Variants in DENND2A observed in about 807,000 individuals in gnomAD.
DENND2A encodes DENN domain containing 2A.
A neutral mutation model predicts 105.3 loss-of-function variants in DENND2A; 53 were observed. The observed-to-expected ratio is 0.50, with a 90% confidence interval of 0.40 to 0.63. The LOEUF (loss-of-function observed/expected upper bound fraction) is 0.63, where lower values mean the gene tolerates loss of function less well. Among genes scored for constraint, DENND2A ranks in the 30% least tolerant of loss-of-function variants. DENND2A has a pLI of 0.00. For synonymous variants in DENND2A, 522 were observed against 508.4 expected, an observed-to-expected ratio of 1.03 and a Z score of -0.36; for missense variants, 1,138 against 1,279.6, an observed-to-expected ratio of 0.89 and a Z score of 1.69.
At chr7:140,526,441 C>T (rs544797900) in intron 15 of DENND2A, among the ~76,000 whole-genome samples, 1 of 152,330 alleles carries the variant, frequency 6.6e-6, no homozygotes, top group South Asian at 2.1e-4. Context: ...CTGGCCGTGA[C>T]GGAGGAGGAG....
At chr7:140,546,713 A>G (rs1796923984) in intron 13 of DENND2A, 86 bp downstream of exon 13, 2 of 1,535,764 alleles carry the variant, frequency 1.3e-6, no homozygotes, top group Non-Finnish European at 1.8e-6. Flanking sequence ...TGGACTGCTC[A>G]CTGAAAGGCA....
chr7:140,544,827 G>A (rs2293176), intron 13 of DENND2A, 61 bp from the exon 14 acceptor site: 504,871 of 1,547,162 alleles, frequency 0.33, 84,351 homozygotes, highest in Middle Eastern at 0.35. Context: ...GGCCTCTCAC[G>A]GGTGTCGCAG....
chr7:140,575,465 A>G (rs1798260652), intron 5 of DENND2A, among the ~76,000 whole-genome samples: 1 of 151,968 alleles, frequency 6.6e-6, no homozygotes. Flanking sequence ...CCGCAATTCC[A>G]CCTCTAGGAA....
At position 140,537,706 on chromosome 7, in the gene DENND2A, G is replaced by A. The variant is rs542853320; in HGVS notation, c.2327+6912C>T. On this transcript the variant is annotated intron_variant, in intron 14 of 19. Coordinates refer to ENST00000496613, the MANE Select transcript of DENND2A (RefSeq NM_015689.5). ...GTTTTAAGAGATGGGGTCTTGCTAT[G>A]TTGCCCAAGCTGGTCTCAAACTCCT... Among the ~76,000 whole-genome samples the A allele has an allele frequency of 2.6e-5, 4 of 152,120 alleles. No homozygotes were observed. In the East Asian group the frequency reaches 7.7e-4, roughly 29 times the overall value.
chr7:140,588,582 A>G (rs1798881717), intron 3 of DENND2A, among the ~76,000 whole-genome samples: 1 of 152,176 alleles, frequency 6.6e-6, no homozygotes, highest in East Asian at 1.9e-4. Context: ...ATAGATACAC[A>G]GCAACACGCC....
At position 140,591,678 on chromosome 7, in the gene DENND2A, T is replaced by TTTCC. The variant is rs1563163801; in HGVS notation, c.996-3899_996-3898insGGAA. Among the ~76,000 whole-genome samples, 826 of 144,910 alleles carry TTTCC rather than the reference T, an allele frequency of 5.7e-3. 5 individuals are homozygous for TTTCC. The highest frequency in any genetic ancestry group is 0.02 in the African/African-American group (759 of 37,124). On this transcript the variant is annotated intron_variant, in intron 3 of 19. Coordinates refer to ENST00000496613, the MANE Select transcript of DENND2A (RefSeq NM_015689.5). Reference sequence around the variant, plus strand: ...TCCTTTCTTTCTTTCTTTCTCTTTCTTTCTTTCTTTCTTTCCTTCCTTCCT... The same window carrying TTTCC: ...TCCTTTCTTTCTTTCTTTCTCTTTCTTTCCTTCTTTCTTTCTTTCCTTCCTTCCT...
At chr7:140,564,280 CAAA>C (rs142073371) in intron 9 of DENND2A, among the ~76,000 whole-genome samples, 24 of 128,356 alleles carry the variant, frequency 1.9e-4, no homozygotes, top group South Asian at 1.3e-3. Flanking sequence ...GAGACTGTGT[CAAA>C]AAAAAAAAAA....
intron 2 of DENND2A, among the ~76,000 whole-genome samples, chr7:140,603,821 T>C (rs751711137): frequency 1.3e-5 from 2 of 152,220 alleles, no homozygotes. Context: ...TGTCAAGGAC[T>C]CAGAAGCGCC....
intron 8 of DENND2A, 110 bp downstream of exon 8, chr7:140,568,653 C>T (rs967081820): frequency 1.9e-5 from 22 of 1,185,756 alleles, no homozygotes; most frequent in East Asian, 9.4e-5. Flanking sequence ...CCACGCCTTG[C>T]CAAGCAAGCT....
intron 1 of DENND2A, among the ~76,000 whole-genome samples, chr7:140,624,848 T>C (rs571036603): frequency 1.9e-4 from 28 of 149,306 alleles, no homozygotes; most frequent in African/African-American, 6.9e-4. Context: ...TGTTTTTCTT[T>C]GTTTTTTTTG....
chr7:140,580,462 G>T (rs1176976538), intron 5 of DENND2A, among the ~76,000 whole-genome samples: 1 of 152,098 alleles, frequency 6.6e-6, no homozygotes, highest in Admixed American at 6.6e-5. Flanking sequence ...TAGGACTACA[G>T]GCATGCACCA....
rs542317068 is a variant in DENND2A, at chr7:140,602,818, T to A, written c.-145-276A>T. Among the ~76,000 whole-genome samples, 101 of 151,586 alleles carry A rather than the reference T, an allele frequency of 6.7e-4. 4 individuals carry two copies. Among genetic ancestry groups the A allele is most frequent in the Non-Finnish European group, 4.6e-4 (31 of 67,954 alleles). On this transcript the variant is annotated intron_variant, in intron 2 of 19. Coordinates refer to ENST00000496613, the MANE Select transcript of DENND2A (RefSeq NM_015689.5). ...CAAGACCCCCATCTCTACAAAAATT[T>A]TTTTTAAAAACTCAATTTGTGTTTT...
At chr7:140,536,204 A>C (rs968283030) in intron 14 of DENND2A, among the ~76,000 whole-genome samples, 3 of 152,036 alleles carry the variant, frequency 2.0e-5, no homozygotes, top group Non-Finnish European at 4.4e-5. Context: ...AATGCAGAAA[A>C]ATTAGCCAGC....
chr7:140,584,290 G>A (rs1172439328), intron 5 of DENND2A, among the ~76,000 whole-genome samples: 2 of 152,150 alleles, frequency 1.3e-5, no homozygotes, highest in African/African-American at 4.8e-5. Context: ...TTGAAATACA[G>A]CCACACTCAT....
chr7:140,634,609 G>A (rs1331458480), intron 1 of DENND2A, among the ~76,000 whole-genome samples: 1 of 152,150 alleles, frequency 6.6e-6, no homozygotes, highest in African/African-American at 2.4e-5. Context: ...GGTGGCTCAT[G>A]CCTGTAATTC....
chr7:140,622,377 C>A (rs1800326365), intron 1 of DENND2A, among the ~76,000 whole-genome samples: 1 of 150,170 alleles, frequency 6.7e-6, no homozygotes, highest in Admixed American at 6.6e-5. Context: ...GCCTGGGCGA[C>A]AGAGCAAGAC....
At chr7:140,602,631 T>C (rs1288307357) in intron 2 of DENND2A, 89 bp from the exon 3 acceptor site, 3 of 385,628 alleles carry the variant, frequency 7.8e-6, no homozygotes, top group Non-Finnish European at 9.1e-6. Context: ...ATAAATGTTA[T>C]ATGCAAGTCA....
In DENND2A at chr7:140,602,059, T is replaced by G; in HGVS notation, c.339A>C (p.Gly113=). 1 of 1,614,154 alleles carries G rather than the reference T, an allele frequency of 6.2e-7. No homozygotes were observed. Among genetic ancestry groups the G allele is most frequent in the Non-Finnish European group, 8.5e-7 (1 of 1,180,028 alleles). ...TESTEKERNK[G]AVNVGGQDPE... is the part of the protein sequence containing the mutation. ...GGTCCTGTCCCCCGACGTTCACTGC[T>G]CCTTTATTCCTCTCCTTCTCTGTGC... is the stretch of plus-strand genomic sequence containing the variant. Residue 113 remains glycine (G), a synonymous_variant, in exon 3 of 20, where the codon GGA becomes GGC. Transcript: ENST00000496613.
At chr7:140,622,973 T>C (rs1800353094) in intron 1 of DENND2A, among the ~76,000 whole-genome samples, 1 of 152,188 alleles carries the variant, frequency 6.6e-6, no homozygotes, top group African/African-American at 2.4e-5. Context: ...GCCTCTAGCC[T>C]GGCCCAGGAA....
Sources: allele counts gnomAD v4.1 joint callset (sites outside exome capture counted in the v4.1 genomes callset), GRCh38; gene constraint gnomAD v4.1.1; transcripts MANE v1.5; gene names NCBI Gene and HGNC (gene_info 2026-07-23, HGNC 2026-07-21).